RABGAP1L: variants seen among roughly 807,000 people sequenced by gnomAD.
RABGAP1L encodes rab GTPase-activating protein 1-like.
RABGAP1L carries 63 observed loss-of-function variants against 137.7 expected under a neutral mutation model. The ratio of observed to expected loss-of-function variants is 0.46; its 90% CI spans 0.37 to 0.56. The LOEUF is 0.56. Ranked by LOEUF, RABGAP1L falls within the 20% of genes least tolerant of loss-of-function variation. RABGAP1L has a pLI of 0.00. For synonymous variants in RABGAP1L, 431 were observed against 433.7 expected, an observed-to-expected ratio of 0.99 and a Z score of 0.08; for missense variants, 1,095 against 1,244.0, an observed-to-expected ratio of 0.88 and a Z score of 1.80.
chr1:174,946,816 G>A (rs182346467), intron 19 of RABGAP1L, among the ~76,000 whole-genome samples: 14 of 146,896 alleles, frequency 9.5e-5, no homozygotes, highest in Admixed American at 7.0e-4. Context: ...CAGGAGAATC[G>A]CTTGAACTCA....
chr1:174,530,017 C>T (rs1205593793), intron 13 of RABGAP1L, among the ~76,000 whole-genome samples: 1 of 152,038 alleles, frequency 6.6e-6, no homozygotes, highest in Non-Finnish European at 1.5e-5. Flanking sequence ...AGTGCAGGTA[C>T]CAGCCATGTT....
At chr1:174,292,019 T>TTTATTATTATTATTATTATTATTA (rs60906954) in intron 10 of RABGAP1L, among the ~76,000 whole-genome samples, 8 of 139,046 alleles carry the variant, frequency 5.8e-5, no homozygotes, top group South Asian at 2.3e-4. Context: ...GATTAGATCA[T>TTTATTATTATTATTATTATTATTA]TTATTATTAT....
At chr1:174,562,956 A>G (rs1667323068) in intron 13 of RABGAP1L, among the ~76,000 whole-genome samples, 1 of 152,186 alleles carries the variant, frequency 6.6e-6, no homozygotes, top group African/African-American at 2.4e-5. Flanking sequence ...ATACCTATGT[A>G]ACAAAACTGC....
intron 13 of RABGAP1L, among the ~76,000 whole-genome samples, chr1:174,553,923 G>C (rs1452124316): frequency 6.6e-6 from 1 of 152,130 alleles, no homozygotes; most frequent in Non-Finnish European, 1.5e-5. Context: ...CGGGGAGGTC[G>C]AATCTGCAGT....
At position 174,825,955 on chromosome 1, in the gene RABGAP1L, T is replaced by C. The variant is rs575483396; in HGVS notation, c.2340+13995T>C. Reference sequence around the variant, plus strand: ...GTGCAGGTTTGTCACATGAATATATTGCGAGATGCTGAGGCTTGGAGTACA... The same window carrying C: ...GTGCAGGTTTGTCACATGAATATATCGCGAGATGCTGAGGCTTGGAGTACA... On this transcript the variant is annotated intron_variant, in intron 19 of 25. Coordinates refer to ENST00000681986, the MANE Select transcript of RABGAP1L (RefSeq NM_001366446.1). 2.0e-5 allele frequency among the ~76,000 whole-genome samples: 3 copies of C among 152,264 alleles called. No individual in the cohort carries two copies. The East Asian group carries it at 5.8e-4, about 29-fold the overall frequency.
At chr1:174,839,766 G>A (rs1212783065) in intron 19 of RABGAP1L, among the ~76,000 whole-genome samples, 1 of 152,208 alleles carries the variant, frequency 6.6e-6, no homozygotes, top group Non-Finnish European at 1.5e-5. Context: ...TATAATAGGT[G>A]AAACACTATT....
At chr1:174,505,771 C>T (rs1661758758) in intron 13 of RABGAP1L, among the ~76,000 whole-genome samples, 1 of 152,056 alleles carries the variant, frequency 6.6e-6, no homozygotes, top group African/African-American at 2.4e-5. Context: ...ATAGAACCAC[C>T]ATAGGATCCA....
chr1:174,617,576 A>G (rs181840893), intron 13 of RABGAP1L, among the ~76,000 whole-genome samples: 1 of 152,324 alleles, frequency 6.6e-6, no homozygotes, highest in Non-Finnish European at 1.5e-5. Flanking sequence ...TTAGGTAACT[A>G]AAACCTTATG....
At position 174,514,248 on chromosome 1, in the gene RABGAP1L, A is replaced by AG. The variant is rs71117565; in HGVS notation, c.1710+120103_1710+120104insG. ...TGAAGCATGTGTTATATTTTAAGCC[A>AG]AAAAAAAAAAAAAAAAAAAAAACTG... On this transcript the variant is annotated intron_variant, in intron 13 of 25. Transcript: ENST00000681986. Among the ~76,000 whole-genome samples the AG allele has an allele frequency of 1.9e-4, 9 of 47,196 alleles. No individual in the cohort carries two copies. The African/African-American group carries it at 3.5e-3, about 19-fold the overall frequency. 31.0% of individuals were successfully genotyped at this position (47,196 alleles called of 152,430 possible). A position where few individuals can be genotyped will look rare whatever the true frequency, so the allele number is the denominator to read the frequency against.
At chr1:174,658,662 C>G (rs2148412854) in intron 14 of RABGAP1L, among the ~76,000 whole-genome samples, 1 of 152,234 alleles carries the variant, frequency 6.6e-6, no homozygotes, top group East Asian at 1.9e-4. Context: ...TCTTGGCCAC[C>G]CACATCCCCA....
At chr1:174,604,999 G>A (rs751661321) in intron 13 of RABGAP1L, among the ~76,000 whole-genome samples, 4 of 152,068 alleles carry the variant, frequency 2.6e-5, no homozygotes, top group Non-Finnish European at 5.9e-5. Flanking sequence ...AAATTTGCTG[G>A]GCGTGGTGGC....
chr1:174,715,050 C>G (rs17842156), intron 17 of RABGAP1L, among the ~76,000 whole-genome samples: 32,338 of 151,920 alleles, frequency 0.21, 3,756 homozygotes, highest in Admixed American at 0.25. Flanking sequence ...TAATTTGGTC[C>G]TCAGGGTTGA....
chr1:174,649,170 T>C (rs1281319403), intron 14 of RABGAP1L, among the ~76,000 whole-genome samples: 1 of 152,156 alleles, frequency 6.6e-6, no homozygotes, highest in Non-Finnish European at 1.5e-5. Flanking sequence ...CCAGTCTGTG[T>C]CTTTTAATTC....
chr1:174,358,366 G>C (rs1356560396), intron 11 of RABGAP1L, among the ~76,000 whole-genome samples: 1 of 152,208 alleles, frequency 6.6e-6, no homozygotes, highest in Non-Finnish European at 1.5e-5. Flanking sequence ...TGCTACAACT[G>C]AGCCCTCATT....
intron 18 of RABGAP1L, among the ~76,000 whole-genome samples, chr1:174,754,575 T>C (rs1341299300): frequency 6.6e-6 from 1 of 152,142 alleles, no homozygotes; most frequent in African/African-American, 2.4e-5. Context: ...GGTGATAGCT[T>C]ACTGCAGCCT....
chr1:174,755,996 TGGG>T (rs1684721531), intron 18 of RABGAP1L, among the ~76,000 whole-genome samples: 1 of 152,134 alleles, frequency 6.6e-6, no homozygotes, highest in African/African-American at 2.4e-5. Flanking sequence ...ATTTTTTAAA[TGGG>T]GGAATATTAG....
chr1:174,204,748 T>C (rs1668382939), intron 1 of RABGAP1L, among the ~76,000 whole-genome samples: 1 of 152,192 alleles, frequency 6.6e-6, no homozygotes, highest in Non-Finnish European at 1.5e-5. Context: ...GATGTCTCCC[T>C]TGCTGTTCTC....
intron 13 of RABGAP1L, among the ~76,000 whole-genome samples, chr1:174,516,018 T>C (rs989128278): frequency 1.3e-5 from 2 of 151,974 alleles, no homozygotes; most frequent in Non-Finnish European, 2.9e-5. Context: ...TAATGATAGT[T>C]CCTGGAAAAT....
At chr1:174,404,327 A>G (rs1281159927) in intron 13 of RABGAP1L, among the ~76,000 whole-genome samples, 1 of 152,114 alleles carries the variant, frequency 6.6e-6, no homozygotes, top group Non-Finnish European at 1.5e-5. Flanking sequence ...GGAGTGGCTT[A>G]TGTAGTTTTT....
Sources: gnomAD v4.1 joint callset for allele counts (sites outside exome capture counted in the v4.1 genomes callset) on GRCh38, gnomAD v4.1.1 for gene constraint, MANE v1.5 for transcripts, NCBI Gene and HGNC (gene_info 2026-07-23, HGNC 2026-07-21) for gene names.